Variants in STX17 observed in about 807,000 individuals in gnomAD.
STX17 encodes syntaxin 17, also known as syntaxin-17.
STX17 carries 29 observed loss-of-function variants against 35.9 expected under a neutral mutation model. That is an observed-to-expected ratio of 0.81 (90% CI 0.60 to 1.10). The LOEUF is 1.10. STX17 is among the 50% of genes least tolerant of loss of function. STX17 has a pLI of 0.00. For missense variants in STX17, 312 were observed against 352.3 expected, an observed-to-expected ratio of 0.89 and a Z score of 0.92; for synonymous variants, 92 against 118.3, an observed-to-expected ratio of 0.78 and a Z score of 1.44.
intron 3 of STX17, among the ~76,000 whole-genome samples, chr9:99,932,039 A>C (rs1829135342): frequency 1.3e-5 from 2 of 152,136 alleles, no homozygotes; most frequent in East Asian, 3.9e-4. Flanking sequence ...TAGTTTTCTG[A>C]AGAAGAATTC....
intron 2 of STX17, among the ~76,000 whole-genome samples, chr9:99,927,065 AC>A (rs1036835558): frequency 6.6e-5 from 10 of 152,086 alleles, no homozygotes; most frequent in African/African-American, 2.2e-4. Flanking sequence ...CAAAAGGAAA[AC>A]CCTGCAGATC....
At chr9:99,934,906 A>G (rs1829199173) in intron 3 of STX17, among the ~76,000 whole-genome samples, 1 of 152,228 alleles carries the variant, frequency 6.6e-6, no homozygotes, top group Non-Finnish European at 1.5e-5. Flanking sequence ...AGATAAGTAT[A>G]TATTTGAATT....
At chr9:99,934,090 A>G (rs1209653140) in intron 3 of STX17, among the ~76,000 whole-genome samples, 1 of 152,192 alleles carries the variant, frequency 6.6e-6, no homozygotes, top group Non-Finnish European at 1.5e-5. Context: ...CCAATAAATG[A>G]TATAGTACCT....
At chr9:99,945,702 A>G (rs913628970) in intron 3 of STX17, 1 of 380,402 alleles carries the variant, frequency 2.6e-6, no homozygotes, top group Non-Finnish European at 5.2e-6. Context: ...TAATTTATCT[A>G]ATTTTTTCCT....
intron 3 of STX17, among the ~76,000 whole-genome samples, chr9:99,942,586 G>A (rs143216506): frequency 1.3e-3 from 203 of 151,834 alleles, no homozygotes; most frequent in Non-Finnish European, 2.5e-3. Flanking sequence ...TCCTGGGCTC[G>A]AGAGTTGTGC....
rs2416943 is a variant in STX17 at position 99,946,748 on chromosome 9, G to A, written c.190-4312G>A. Among the ~76,000 whole-genome samples the A allele has an allele frequency of 6.4e-4, 98 of 152,218 alleles. No individual in the cohort carries two copies. The Middle Eastern group carries it at 0.017, about 26-fold the overall frequency. On this transcript the variant is annotated intron_variant, in intron 3 of 7. Transcript: ENST00000259400. The stretch of plus-strand genomic sequence containing the variant: ...TGTGGTCTTGAAAGATATTTTTGCA[G>A]CATATAGAACTTTAGGTTGATAGTA...
At chr9:99,925,452 G>A (rs1232695594) in intron 2 of STX17, among the ~76,000 whole-genome samples, 2 of 151,956 alleles carry the variant, frequency 1.3e-5, no homozygotes, top group African/African-American at 2.4e-5. Flanking sequence ...AGTGCTCTTC[G>A]TTCATTTGTG....
chr9:99,940,633 C>A (rs533528360), intron 3 of STX17, among the ~76,000 whole-genome samples: 1 of 151,928 alleles, frequency 6.6e-6, no homozygotes, highest in African/African-American at 2.4e-5. Flanking sequence ...CGCACACCAC[C>A]ATGCCCAGCT....
At chr9:99,935,861 T>C (rs1256892150) in intron 3 of STX17, among the ~76,000 whole-genome samples, 1 of 152,154 alleles carries the variant, frequency 6.6e-6, no homozygotes, top group East Asian at 1.9e-4. Context: ...TGAGAGGATG[T>C]GGCATAGTCA....
rs117151619 is a variant in STX17, at chr9:99,964,980, C to T, written c.583-2673C>T. Among the ~76,000 whole-genome samples, 260 of 152,188 alleles carry T rather than the reference C, an allele frequency of 1.7e-3. 2 individuals are homozygous for T. The East Asian group carries it at 0.031, about 18-fold the overall frequency. Reference sequence around the variant, plus strand: ...CAAGAGAAAGGCAGACGTGCACAATCGAGGGGTGATTATTGATCCCAGGAT... The same window carrying T: ...CAAGAGAAAGGCAGACGTGCACAATTGAGGGGTGATTATTGATCCCAGGAT... On this transcript the variant is annotated intron_variant, in intron 6 of 7. Transcript: ENST00000259400.
chr9:99,928,825 T>TGA lies in STX17; in HGVS notation c.172_173insAG (p.Ala58GlufsTer21), dbSNP rs1425539585. 6.2e-7 allele frequency: 1 copy of TGA among 1,613,582 alleles called. No homozygotes were observed. ...ACAAGTTGCATGAAGAGCATATCAATGCAGGACGTACAGTTCAGGTAAGGC... is the reference window on the plus strand; with the variant it reads ...ACAAGTTGCATGAAGAGCATATCAATGAGCAGGACGTACAGTTCAGGTAAGGC... On this transcript the variant is annotated frameshift_variant, in exon 3 of 8. Coordinates refer to ENST00000259400, the MANE Select transcript of STX17 (RefSeq NM_017919.3). LOFTEE classifies it high-confidence loss of function.
intron 3 of STX17, among the ~76,000 whole-genome samples, chr9:99,950,172 C>A (rs1053051426): frequency 6.6e-6 from 1 of 151,784 alleles, no homozygotes; most frequent in Non-Finnish European, 1.5e-5. Context: ...GAAGGAAAAT[C>A]ATTTGATAAA....
At chr9:99,948,739 T>G (rs577171291) in intron 3 of STX17, among the ~76,000 whole-genome samples, 1 of 152,258 alleles carries the variant, frequency 6.6e-6, no homozygotes, top group African/African-American at 2.4e-5. Context: ...AGTATCAGAT[T>G]TTATACTTCA....
chr9:99,939,213 G>T (rs1829301846), intron 3 of STX17, among the ~76,000 whole-genome samples: 1 of 152,148 alleles, frequency 6.6e-6, no homozygotes, highest in Non-Finnish European at 1.5e-5. Flanking sequence ...GACTGGTTAG[G>T]AGAAAAGAAA....
chr9:99,963,264 C>G (rs1236286719), intron 6 of STX17, among the ~76,000 whole-genome samples: 5 of 152,108 alleles, frequency 3.3e-5, no homozygotes, highest in Admixed American at 3.3e-4. Flanking sequence ...CTTTGTTGTT[C>G]AAGTGCCCTC....
chr9:99,921,722 T>C (rs1828892543), intron 2 of STX17, among the ~76,000 whole-genome samples: 1 of 151,856 alleles, frequency 6.6e-6, no homozygotes, highest in African/African-American at 2.4e-5. Flanking sequence ...TGCAAGTCTT[T>C]AGGAACCTTA....
rs534982585 is a variant in STX17 at position 99,911,159 on chromosome 9, C to T, written c.-62-4019C>T. ...CAAGCGATTCTCCTGCCTCAGCCTC[C>T]GGAGCAGCTGGGAATACAGGTGCAT... On this transcript the variant is annotated intron_variant, in intron 1 of 7. Coordinates refer to ENST00000259400, the MANE Select transcript of STX17 (RefSeq NM_017919.3). 2.1e-4 allele frequency among the ~76,000 whole-genome samples: 32 copies of T among 152,154 alleles called. No homozygotes were observed. The South Asian group carries it at 4.2e-3, about 20-fold the overall frequency.
chr9:99,967,825 A>G (rs1410480484), intron 7 of STX17, 86 bp downstream of exon 7: 26 of 1,131,194 alleles, frequency 2.3e-5, no homozygotes, highest in East Asian at 9.4e-5. Context: ...GCTCTCTTCA[A>G]TGTTGAGGGA....
intron 6 of STX17, among the ~76,000 whole-genome samples, chr9:99,961,563 A>C (rs1829826809): frequency 6.6e-6 from 1 of 152,098 alleles, no homozygotes; most frequent in East Asian, 1.9e-4. Context: ...GAGTTATGGG[A>C]AGGTAGGATG....
Sources: gnomAD v4.1 joint callset for allele counts (sites outside exome capture counted in the v4.1 genomes callset) on GRCh38, gnomAD v4.1.1 for gene constraint, MANE v1.5 for transcripts, NCBI Gene and HGNC (gene_info 2026-07-23, HGNC 2026-07-21) for gene names.